Variants in MTHFD1 observed in about 807,000 individuals in gnomAD.
MTHFD1 encodes the protein C-1-tetrahydrofolate synthase, cytoplasmic.
A neutral mutation model predicts 110.3 loss-of-function variants in MTHFD1; 44 were observed. That is an observed-to-expected ratio of 0.40 (90% CI 0.31 to 0.51). The LOEUF is 0.51. MTHFD1 is among the 20% of genes least tolerant of loss of function. The probability of loss-of-function intolerance (pLI) is 0.60; values close to 1 mark genes in which losing one functional copy is unlikely to be tolerated. For synonymous variants in MTHFD1, 402 were observed against 428.8 expected (o/e 0.94, Z 0.77); for missense variants, 909 against 1,173.1 (o/e 0.77, Z 3.29).
Position 64,417,286 on chromosome 14 carries a change from A to AC in MTHFD1, c.479-601dup. 6.6e-6 allele frequency among the ~76,000 whole-genome samples: 1 copy of AC among 152,330 alleles called. No homozygotes were observed. Among genetic ancestry groups the AC allele is most frequent in the South Asian group, 2.1e-4 (1 of 4,830 alleles). On this transcript the variant is annotated intron_variant, in intron 6 of 27. Coordinates refer to ENST00000652337, the MANE Select transcript of MTHFD1 (RefSeq NM_005956.4). This position sits in a 1 kb window ranked among gnomAD's most constrained non-coding sequence, Gnocchi z 4.4. The stretch of plus-strand genomic sequence containing the variant: ...AGAGTATGAGTCAGCCCTGAAAAGG[A>AC]CATTGGTATATTGCCAGAAAAATGG...
intron 15 of MTHFD1, among the ~76,000 whole-genome samples, chr14:64,433,716 T>A (rs998194787): frequency 7.3e-6 from 1 of 137,504 alleles, no homozygotes; most frequent in African/African-American, 2.8e-5. Flanking sequence ...AGCTCAGCAT[T>A]TTTTTTTTTT....
chr14:64,431,750 G>T (rs755875102), intron 14 of MTHFD1, 37 bp from the exon 15 acceptor site: 3 of 1,604,786 alleles, frequency 1.9e-6, no homozygotes, highest in Admixed American at 1.7e-5. Flanking sequence ...AAGCAGTGGG[G>T]CTCCTCTCAT....
chr14:64,445,221 T>G (rs894749229), intron 22 of MTHFD1: 22 of 195,980 alleles, frequency 1.1e-4, no homozygotes, highest in African/African-American at 4.2e-4. Flanking sequence ...CTGCATTGGC[T>G]GGGTAAGTTC....
At chr14:64,454,963 A>AACTCT in intron 26 of MTHFD1, 88 bp downstream of exon 26, 1 of 1,383,634 alleles carries the variant, frequency 7.2e-7, no homozygotes, top group Non-Finnish European at 1.0e-6. Context: ...ATGCCAAGTG[A>AACTCT]GCAGAGTTCA....
At chr14:64,407,544 CTCTTTTT>C (rs2077944699) in intron 2 of MTHFD1, among the ~76,000 whole-genome samples, 1 of 65,044 alleles carries the variant, frequency 1.5e-5, no homozygotes, top group African/African-American at 4.6e-5. Context: ...CTCACTCTCT[CTCTTTTT>C]TTTTTTTTTT....
intron 6 of MTHFD1, among the ~76,000 whole-genome samples, chr14:64,416,487 G>T (rs79291933): frequency 1.1e-3 from 163 of 152,252 alleles, no homozygotes; most frequent in African/African-American, 3.7e-3. Flanking sequence ...TCGACAGATG[G>T]CTGGAAATGG....
Position 64,458,321 on chromosome 14 carries a change from G to A in MTHFD1, c.*4+14G>A. 1 of 1,581,992 alleles carries A rather than the reference G, an allele frequency of 6.3e-7. No individual in the cohort carries two copies. Among genetic ancestry groups the A allele is most frequent in the Non-Finnish European group, 8.7e-7 (1 of 1,150,816 alleles). On this transcript the variant is annotated intron_variant, in intron 27 of 27. Coordinates refer to ENST00000652337, the MANE Select transcript of MTHFD1 (RefSeq NM_005956.4). ...TATTCTAAACAGGTAAGTTGTTACT[G>A]GGTAATAATTTGGCTTTTTTCCTCA...
chr14:64,455,016 T>G, intron 26 of MTHFD1, 141 bp downstream of exon 26: 1 of 850,612 alleles, frequency 1.2e-6, no homozygotes. Flanking sequence ...ATGATTGCTG[T>G]GGATCATAAG....
Position 64,412,545 on chromosome 14 carries a change from T to C in MTHFD1, c.240+20T>C. ...TCTGAGGTGAGCTTTTATGAGTTGA[T>C]TGTGAAGAGGGAAGGTGAAGTGGTT... is the stretch of plus-strand genomic sequence containing the variant. On this transcript the variant is annotated intron_variant, in intron 4 of 27. Transcript: ENST00000652337. 6.2e-7 allele frequency: 1 copy of C among 1,601,112 alleles called. No individual in the cohort carries two copies. Among genetic ancestry groups the C allele is most frequent in the Non-Finnish European group, 8.6e-7 (1 of 1,168,236 alleles).
chr14:64,431,891 A>T, intron 15 of MTHFD1, 30 bp downstream of exon 15: 1 of 1,578,074 alleles, frequency 6.3e-7, no homozygotes. Flanking sequence ...CATTTTTTAT[A>T]TTGTATGGAA....
At chr14:64,448,380 C>T in intron 23 of MTHFD1, 63 bp downstream of exon 23, 2 of 1,252,658 alleles carry the variant, frequency 1.6e-6, no homozygotes, top group Admixed American at 1.7e-5. Context: ...GATTGTACAG[C>T]ACTGCTTTTA....
intron 22 of MTHFD1, 95 bp downstream of exon 22, chr14:64,444,829 T>A: frequency 2.2e-6 from 3 of 1,377,556 alleles, no homozygotes; most frequent in Non-Finnish European, 3.1e-6. Flanking sequence ...AATGGGTTAT[T>A]GCTGTGACCC....
Position 64,424,942 on chromosome 14 carries a change from A to G in MTHFD1, c.855+11A>G. On this transcript the variant is annotated intron_variant, in intron 9 of 27. Transcript: ENST00000652337. ...GCAATGCTCATGCAGGTAATTGTGA[A>G]TAAAAGTTTCTATAAGAGTTCTGAA... 1 of 1,614,206 alleles carries G rather than the reference A, an allele frequency of 6.2e-7. No homozygotes were observed. Among genetic ancestry groups the G allele is most frequent in the Non-Finnish European group, 8.5e-7 (1 of 1,180,026 alleles).
At chr14:64,408,963 A>G (rs1285868342) in intron 2 of MTHFD1, among the ~76,000 whole-genome samples, 1 of 152,144 alleles carries the variant, frequency 6.6e-6, no homozygotes, top group Non-Finnish European at 1.5e-5. Context: ...ATAATAAATA[A>G]ATAAATAAAA....
At chr14:64,409,949 G>C (rs2077969133) in intron 2 of MTHFD1, among the ~76,000 whole-genome samples, 1 of 152,152 alleles carries the variant, frequency 6.6e-6, no homozygotes, top group Admixed American at 6.6e-5. Flanking sequence ...AGTTGTCTTT[G>C]ATATGAAGGG....
rs73271900 is a variant in MTHFD1, at chr14:64,404,507, A to G, written c.126+3630A>G. On this transcript the variant is annotated intron_variant, in intron 2 of 27. Transcript: ENST00000652337. ...CATATTTTTACGGACAAATGTATGA[A>G]GGAATGTTTGCAATCTTGATTTGGA... Among the ~76,000 whole-genome samples the G allele has an allele frequency of 1.3e-3, 193 of 152,352 alleles. 1 individual carries two copies. The highest frequency in any genetic ancestry group is 4.2e-3 in the African/African-American group (175 of 41,580).
At chr14:64,431,928 A>C (rs137891013) in intron 15 of MTHFD1, 67 bp downstream of exon 15, 15,813 of 1,412,484 alleles carry the variant, frequency 0.011, 192 homozygotes, top group Non-Finnish European at 0.011. Flanking sequence ...TGATTAGGAC[A>C]TAAAAGTCTT....
At chr14:64,428,263 G>A (rs1006435476) in intron 12 of MTHFD1, among the ~76,000 whole-genome samples, 8 of 151,630 alleles carry the variant, frequency 5.3e-5, no homozygotes, top group Middle Eastern at 3.4e-3. Context: ...TTACAGGCAC[G>A]CATGACCATG....
chr14:64,454,088 G>A (rs1410199302), intron 25 of MTHFD1, among the ~76,000 whole-genome samples: 1 of 152,144 alleles, frequency 6.6e-6, no homozygotes, highest in Non-Finnish European at 1.5e-5. Context: ...AATACAGAAT[G>A]TCTTACCAAA....
Sources: allele counts gnomAD v4.1 joint callset (sites outside exome capture counted in the v4.1 genomes callset), GRCh38; gene constraint gnomAD v4.1.1; non-coding constraint Gnocchi (gnomAD v3.1); transcripts MANE v1.5; gene names NCBI Gene and HGNC (gene_info 2026-07-23, HGNC 2026-07-21).